The following SPCS1 variants were observed in gnomAD, a reference collection of about 807,000 sequenced individuals.
The protein encoded by SPCS1 is signal peptidase complex subunit 1.
Under a neutral mutation model 16.4 loss-of-function variants are expected in SPCS1, and 10 were observed. The observed-to-expected ratio is 0.61, with a 90% CI of 0.38 to 1.03. SPCS1 has a LOEUF of 1.03. Among genes scored for constraint, SPCS1 ranks in the 50% least tolerant of loss-of-function variants. SPCS1 has a pLI of 0.01. For synonymous variants in SPCS1, 47 were observed against 42.5 expected (o/e 1.10, Z -0.41); for missense variants, 118 against 123.8 (o/e 0.95, Z 0.22).
Position 52,710,305 on chromosome 3 carries a change from C to T in SPCS1, c.*2493C>T. On this transcript the variant is annotated 3_prime_UTR_variant, in exon 4 of 4. Transcript: ENST00000619898. ...GAGTGAACCTGGGAGGCGGAGCTTG[C>T]AGTGATCTGAGATTGGGCCACTGCA... 1 of 151,296 alleles carries T rather than the reference C, an allele frequency of 6.6e-6. No individual in the cohort carries two copies. Among genetic ancestry groups the T allele is most frequent in the Non-Finnish European group, 1.5e-5 (1 of 67,980 alleles). 9.4% of individuals were successfully genotyped at this position (151,296 alleles called of 1,614,324 possible).
At chr3:52,707,494 C>T (rs144514501) in intron 3 of SPCS1, 193 bp from the exon 4 acceptor site, 84 of 562,522 alleles carry the variant, frequency 1.5e-4, no homozygotes, top group African/African-American at 1.3e-3. Flanking sequence ...TTTGTATAGG[C>T]AGTGAGCCTG....
intron 1 of SPCS1, 94 bp downstream of exon 1, chr3:52,706,376 CG>C (rs1561272767): frequency 7.3e-7 from 1 of 1,368,394 alleles, no homozygotes; most frequent in East Asian, 2.4e-5. Flanking sequence ...TGCGCTGTTC[CG>C]GGCCCGGATG....
At chr3:52,706,946 C>G in intron 3 of SPCS1, 67 bp downstream of exon 3, 1 of 1,132,714 alleles carries the variant, frequency 8.8e-7, no homozygotes, top group Non-Finnish European at 1.3e-6. Context: ...GTTAGACCTA[C>G]TCAGTAGTGA....
Position 52,709,337 on chromosome 3 carries a change from T to C in SPCS1, c.*1525T>C, listed in dbSNP as rs920679113. 3.9e-5 allele frequency: 6 copies of C among 152,028 alleles called. No homozygotes were observed. Among genetic ancestry groups the C allele is most frequent in the African/African-American group, 1.4e-4 (6 of 41,382 alleles). 9.4% of individuals were successfully genotyped at this position (152,028 alleles called of 1,614,324 possible). A position where few individuals can be genotyped will look rare whatever the true frequency, so the allele number is the denominator to read the frequency against. On this transcript the variant is annotated 3_prime_UTR_variant, in exon 4 of 4. Transcript: ENST00000619898. ...TAATTTAGGAAGATGAATTAAGCAC[T>C]CAAGTAAAAACGATAAAAGTGGGAA...
intron 3 of SPCS1, 146 bp from the exon 4 acceptor site, chr3:52,707,541 C>T: frequency 1.3e-6 from 1 of 764,910 alleles, no homozygotes; most frequent in Non-Finnish European, 2.1e-6. Flanking sequence ...TGGATGGTGG[C>T]ACAGAGCCTT....
At chr3:52,706,351 G>C (rs2097344720) in intron 1 of SPCS1, 69 bp downstream of exon 1, 1 of 1,507,736 alleles carries the variant, frequency 6.6e-7, no homozygotes, top group African/African-American at 1.4e-5. Flanking sequence ...CCATGTTGGA[G>C]CACCGACCCG....
intron 3 of SPCS1, 158 bp downstream of exon 3, chr3:52,707,037 T>C (rs760799780): frequency 6.1e-5 from 41 of 666,982 alleles, no homozygotes; most frequent in Non-Finnish European, 9.8e-5. Context: ...GCCAAAATAG[T>C]GTCAGATGGT....
At chr3:52,706,380 C>G in intron 1 of SPCS1, 98 bp downstream of exon 1, 1 of 1,330,092 alleles carries the variant, frequency 7.5e-7, no homozygotes, top group Non-Finnish European at 1.0e-6. Flanking sequence ...CTGTTCCGGG[C>G]CCGGATGGTT....
Position 52,706,227 on chromosome 3 carries a change from G to C in SPCS1, c.-20G>C. ...CGCAGCCTGCCACCCGCGCTCAGCT[G>C]CCCGCCTCCTCAGCCAGCCATGCTG... On this transcript the variant is annotated 5_prime_UTR_variant, in exon 1 of 4. Transcript: ENST00000619898. 1.3e-6 allele frequency: 2 copies of C among 1,584,082 alleles called. No homozygotes were observed. The highest frequency in any genetic ancestry group is 2.3e-5 in the South Asian group (2 of 88,738).
chr3:52,708,293 G>C lies in SPCS1; in HGVS notation c.*481G>C, dbSNP rs1322627257. On this transcript the variant is annotated 3_prime_UTR_variant, in exon 4 of 4. Transcript: ENST00000619898. The stretch of plus-strand genomic sequence containing the variant: ...CTCACCTATAATCCCAGCACTTGAG[G>C]AGGCTAAGGCAGGAGGATGACTTGA... 1.4e-5 allele frequency: 2 copies of C among 143,032 alleles called. No individual in the cohort carries two copies. The highest frequency in any genetic ancestry group is 6.4e-5 in the African/African-American group (2 of 31,008). The allele number at this position is 143,032 out of a possible 1,614,324, so 8.9% of individuals were successfully genotyped here.
In SPCS1 at chr3:52,706,592, T is replaced by C. The variant is rs981993089; in HGVS notation, c.37-52T>C. 3.9e-6 allele frequency: 6 copies of C among 1,548,972 alleles called. No homozygotes were observed. In the African/African-American group the frequency reaches 5.4e-5, roughly 14 times the overall value. ...AGAGTTGTGAGGTCAGGGCAGGAAT[T>C]GTATGTTCTCGGCGGTGGAACCAAT... On this transcript the variant is annotated intron_variant, in intron 1 of 3. Transcript: ENST00000619898.
rs1346904258 is a variant in SPCS1, at chr3:52,710,817, G to A, written c.*3005G>A. The A allele has an allele frequency of 1.3e-5, 2 of 151,846 alleles. No homozygotes were observed. The highest frequency in any genetic ancestry group is 3.5e-3 in the Middle Eastern group (1 of 286). The allele number at this position is 151,846 out of a possible 1,614,324, so 9.4% of individuals were successfully genotyped here. A position where few individuals can be genotyped will look rare whatever the true frequency, so the allele number is the denominator to read the frequency against. ...GCAATATTTATTTTTAGAGTCCCTC[G>A]AATACAGAAGTGAAAATGTACTATT... On this transcript the variant is annotated 3_prime_UTR_variant, in exon 4 of 4. Coordinates refer to ENST00000619898, the MANE Select transcript of SPCS1 (RefSeq NM_014041.5).
intron 3 of SPCS1, chr3:52,707,336 AT>A: frequency 4.9e-6 from 1 of 205,620 alleles, no homozygotes. Context: ...CACCCAGCTA[AT>A]TTTTGTATTT....
chr3:52,706,779 T>C lies in SPCS1; in HGVS notation c.97-14T>C, dbSNP rs774475130. 1 of 1,612,700 alleles carries C rather than the reference T, an allele frequency of 6.2e-7. No individual in the cohort carries two copies. The highest frequency in any genetic ancestry group is 8.5e-7 in the Non-Finnish European group (1 of 1,178,774). ...TCAGTTTGAGTGTGTTTAATATACT[T>C]CATTTGTCTCTAGATAGTTGGATTT... is the stretch of plus-strand genomic sequence containing the variant. On this transcript the variant is annotated splice_polypyrimidine_tract_variant and intron_variant, in intron 2 of 3. Transcript: ENST00000619898.
chr3:52,707,166 AT>A (rs1388884697), intron 3 of SPCS1: 8 of 284,196 alleles, frequency 2.8e-5, no homozygotes, highest in African/African-American at 1.8e-4. Context: ...CCTTTTATTT[AT>A]TTATTTATTT....
At position 52,706,214 on chromosome 3, in the gene SPCS1, C is replaced by A; in HGVS notation, c.-33C>A. 1.9e-6 allele frequency: 3 copies of A among 1,576,484 alleles called. No individual in the cohort carries two copies. Among genetic ancestry groups the A allele is most frequent in the Non-Finnish European group, 2.6e-6 (3 of 1,168,570 alleles). On this transcript the variant is annotated 5_prime_UTR_variant, in exon 1 of 4. Coordinates refer to ENST00000619898, the MANE Select transcript of SPCS1 (RefSeq NM_014041.5). ...GTCGCCCTCGCCTCGCAGCCTGCCA[C>A]CCGCGCTCAGCTGCCCGCCTCCTCA...
At chr3:52,706,322 T>A in intron 1 of SPCS1, 40 bp downstream of exon 1, 1 of 1,578,204 alleles carries the variant, frequency 6.3e-7, no homozygotes, top group South Asian at 1.1e-5. Flanking sequence ...GCCGTTCTTG[T>A]GCCTGGCAGC....
intron 1 of SPCS1, 115 bp downstream of exon 1, chr3:52,706,397 C>T: frequency 8.5e-7 from 1 of 1,172,234 alleles, no homozygotes; most frequent in Non-Finnish European, 1.2e-6. Context: ...GGTTACCGTC[C>T]ACCCTCTTTC....
rs1465983988 is a variant in SPCS1 at position 52,706,854 on chromosome 3, T to C, written c.158T>C (p.Met53Thr). Residue 53 changes from methionine to threonine, a missense_variant, in exon 3 of 4, where the codon ATG (methionine) becomes ACG (threonine). Transcript: ENST00000619898. ...TTCGGGTGGACTGTCTATATAGTTA[T>C]GGCCGGATTTGCTTTTTCATGTTTG... ...EQFGWTVYIV[M>T]AGFAFSCLLT... 2.3e-5 allele frequency: 37 copies of C among 1,614,006 alleles called. No homozygotes were observed. Among genetic ancestry groups the C allele is most frequent in the Non-Finnish European group, 2.8e-5 (33 of 1,179,976 alleles).
Sources: gnomAD v4.1 joint callset for allele counts on GRCh38, gnomAD v4.1.1 for gene constraint, MANE v1.5 for transcripts, NCBI Gene and HGNC (gene_info 2026-07-23, HGNC 2026-07-21) for gene names.